TMEM45A: variants seen among roughly 807,000 people sequenced by gnomAD.
TMEM45A encodes the protein DNA polymerase-transactivated protein 4.
In TMEM45A, 25 loss-of-function variants were observed where a neutral mutation model predicts 32.0. The observed-to-expected ratio is 0.78, with a 90% CI of 0.57 to 1.09. TMEM45A has a LOEUF of 1.09. Ranked by LOEUF, TMEM45A falls within the 50% of genes least tolerant of loss-of-function variation. The probability of loss-of-function intolerance (pLI) is 0.00; values close to 1 mark genes in which losing one functional copy is unlikely to be tolerated. For missense variants in TMEM45A, 302 were observed against 325.0 expected (o/e 0.93, Z 0.54); for synonymous variants, 122 against 114.8 (o/e 1.06, Z -0.40).
chr3:100,541,672 G>A (rs1705882997), intron 1 of TMEM45A, among the ~76,000 whole-genome samples: 1 of 151,768 alleles, frequency 6.6e-6, no homozygotes, highest in Non-Finnish European at 1.5e-5. Flanking sequence ...TGGTACTATA[G>A]GCAAGTGCCA....
intron 1 of TMEM45A, among the ~76,000 whole-genome samples, chr3:100,549,577 C>T (rs1197196409): frequency 6.6e-6 from 1 of 152,188 alleles, no homozygotes; most frequent in Non-Finnish European, 1.5e-5. Flanking sequence ...GGTGTGTTCT[C>T]TGGGTTTAAA....
intron 1 of TMEM45A, among the ~76,000 whole-genome samples, chr3:100,529,224 GA>G (rs1194722879): frequency 6.6e-6 from 1 of 152,124 alleles, no homozygotes; most frequent in Non-Finnish European, 1.5e-5. Context: ...ACAATTAACA[GA>G]AAAAAACCAG....
At chr3:100,538,048 A>T (rs7433589) in intron 1 of TMEM45A, among the ~76,000 whole-genome samples, 79,803 of 152,038 alleles carry the variant, frequency 0.52, 23,081 homozygotes, top group African/African-American at 0.78. Flanking sequence ...GGGATTCAAG[A>T]TTGCTATAAG....
At chr3:100,551,593 A>G (rs1254695583) in intron 1 of TMEM45A, among the ~76,000 whole-genome samples, 1 of 152,228 alleles carries the variant, frequency 6.6e-6, no homozygotes, top group African/African-American at 2.4e-5. Context: ...TTTACAGATA[A>G]TTGTTTCTAG....
chr3:100,541,501 T>A (rs1294953648), intron 1 of TMEM45A, among the ~76,000 whole-genome samples: 1 of 150,864 alleles, frequency 6.6e-6, no homozygotes, highest in East Asian at 1.9e-4. Context: ...GTCAATTGTT[T>A]TCTTTTTCTT....
chr3:100,551,786 T>C (rs1470990062), intron 1 of TMEM45A, among the ~76,000 whole-genome samples: 1 of 152,228 alleles, frequency 6.6e-6, no homozygotes, highest in Non-Finnish European at 1.5e-5. Flanking sequence ...AACAGAAAGA[T>C]TGGAACCATC....
intron 1 of TMEM45A, among the ~76,000 whole-genome samples, chr3:100,542,782 G>A (rs1045308098): frequency 5.3e-5 from 8 of 152,132 alleles, no homozygotes; most frequent in African/African-American, 1.4e-4. Flanking sequence ...ATTAACATAG[G>A]TACAATAAAT....
chr3:100,558,451 C>G lies in TMEM45A; in HGVS notation c.450C>G (p.Ile150Met), dbSNP rs1375373073. The change falls in exon 4 of 6, where the codon ATC becomes ATG. Residue 150 changes from isoleucine (I) to methionine (M), a missense_variant. Physicochemically the swap from Ile to Met is conservative, Grantham distance 10. Transcript: ENST00000323523. ...NHTHGREMLD[I>M]FVHQLLVLVV... is the part of the protein sequence containing the mutation. ...CTCATGGCCGGGAAATGCTGGACAT[C>G]TTTGTGCACCAGCTGCTGGTTTTGG... 43 of 1,613,932 alleles carry G rather than the reference C, an allele frequency of 2.7e-5. No individual in the cohort carries two copies. The highest frequency in any genetic ancestry group is 1.1e-4 in the East Asian group (5 of 44,892).
intron 5 of TMEM45A, among the ~76,000 whole-genome samples, chr3:100,570,428 C>T (rs994376428): frequency 5.9e-5 from 9 of 152,238 alleles, no homozygotes; most frequent in African/African-American, 2.2e-4. Context: ...TGTTCAGCTG[C>T]AGGTCAGCCC....
At chr3:100,566,879 A>G (rs1451634988) in intron 4 of TMEM45A, among the ~76,000 whole-genome samples, 1 of 152,096 alleles carries the variant, frequency 6.6e-6, no homozygotes, top group Non-Finnish European at 1.5e-5. Flanking sequence ...TTTATATTCT[A>G]GATATAATCT....
At chr3:100,557,016 A>G (rs756339120) in intron 3 of TMEM45A, 44 bp downstream of exon 3, 145 of 1,583,888 alleles carry the variant, frequency 9.2e-5, no homozygotes, top group Non-Finnish European at 1.1e-4. Context: ...TCTATTAGTG[A>G]GCATTTATGT....
At chr3:100,500,176 C>T (rs1241612783) in intron 1 of TMEM45A, among the ~76,000 whole-genome samples, 1 of 152,118 alleles carries the variant, frequency 6.6e-6, no homozygotes, top group Admixed American at 6.5e-5. Flanking sequence ...AGTCCATTCA[C>T]AGGTATAGAT....
intron 1 of TMEM45A, among the ~76,000 whole-genome samples, chr3:100,503,161 A>G (rs921189647): frequency 3.9e-5 from 6 of 152,068 alleles, no homozygotes; most frequent in African/African-American, 1.5e-4. Flanking sequence ...GCTGGAGTAC[A>G]GTGGCACAAT....
chr3:100,506,965 G>C lies in TMEM45A; in HGVS notation c.-4+14037G>C, dbSNP rs536453712. ...GAGTGAAGTGAGTAAAGTCTTGTTAGGACTTGGTCAAGACTAAAGAGTCAG... is the reference window on the plus strand; with the variant it reads ...GAGTGAAGTGAGTAAAGTCTTGTTACGACTTGGTCAAGACTAAAGAGTCAG... On this transcript the variant is annotated intron_variant, in intron 1 of 5. Coordinates refer to ENST00000323523, the MANE Select transcript of TMEM45A (RefSeq NM_018004.3). Among the ~76,000 whole-genome samples, 26 of 152,300 alleles carry C rather than the reference G, an allele frequency of 1.7e-4. No individual in the cohort carries two copies. In the South Asian group the frequency reaches 5.4e-3, roughly 32 times the overall value.
At chr3:100,538,967 G>T (rs1243614728) in intron 1 of TMEM45A, among the ~76,000 whole-genome samples, 1 of 152,046 alleles carries the variant, frequency 6.6e-6, no homozygotes, top group Non-Finnish European at 1.5e-5. Flanking sequence ...AATAAATGGA[G>T]AAATATTCTA....
intron 4 of TMEM45A, among the ~76,000 whole-genome samples, chr3:100,566,663 T>A (rs4129206): frequency 6.6e-6 from 1 of 151,918 alleles, no homozygotes; most frequent in African/African-American, 2.4e-5. Context: ...CACCAATATT[T>A]GTTATTTTTA....
chr3:100,512,612 A>T (rs936605152), intron 1 of TMEM45A, among the ~76,000 whole-genome samples: 3 of 151,470 alleles, frequency 2.0e-5, no homozygotes, highest in African/African-American at 7.3e-5. Context: ...GAAGGCAAGA[A>T]ATAACTAAAA....
intron 1 of TMEM45A, among the ~76,000 whole-genome samples, chr3:100,542,163 A>G (rs965425025): frequency 6.6e-6 from 1 of 152,152 alleles, no homozygotes. Context: ...TATGAATTTC[A>G]GAATATTATT....
At chr3:100,506,846 C>T (rs773882685) in intron 1 of TMEM45A, among the ~76,000 whole-genome samples, 1 of 152,148 alleles carries the variant, frequency 6.6e-6, no homozygotes, top group African/African-American at 2.4e-5. Context: ...AAGGACCAAA[C>T]CAGGCAGGCC....
Sources: allele counts gnomAD v4.1 joint callset (sites outside exome capture counted in the v4.1 genomes callset), GRCh38; gene constraint gnomAD v4.1.1; transcripts MANE v1.5; gene names NCBI Gene and HGNC (gene_info 2026-07-23, HGNC 2026-07-21).